Variants in SGCZ observed in about 807,000 individuals in gnomAD.
The protein encoded by SGCZ is sarcoglycan zeta.
In SGCZ, 40 loss-of-function variants were observed where a neutral mutation model predicts 41.3. That is an observed-to-expected ratio of 0.97 (90% CI 0.75 to 1.26). The LOEUF is 1.26. Among genes scored for constraint, SGCZ ranks in the 50% most tolerant of loss-of-function variants. The pLI is 0.00. For synonymous variants in SGCZ, 206 were observed against 137.5 expected, an observed-to-expected ratio of 1.50 and a Z score of -3.49; for missense variants, 552 against 369.8, an observed-to-expected ratio of 1.49 and a Z score of -4.04.
At chr8:14,362,515 A>C (rs1303126876) in intron 2 of SGCZ, among the ~76,000 whole-genome samples, 3 of 152,148 alleles carry the variant, frequency 2.0e-5, no homozygotes, top group Non-Finnish European at 4.4e-5. Flanking sequence ...CACAAGAGGG[A>C]ATCTCCTGGT....
In SGCZ at chr8:14,088,232, T is replaced by G. The variant is rs1274487964; in HGVS notation, c.*2211A>C. 6.6e-6 allele frequency among the ~76,000 whole-genome samples: 1 copy of G among 151,840 alleles called. No homozygotes were observed. The highest frequency in any genetic ancestry group is 1.5e-5 in the Non-Finnish European group (1 of 67,822). On this transcript the variant is annotated 3_prime_UTR_variant, in exon 8 of 8. Coordinates refer to ENST00000382080, the MANE Select transcript of SGCZ (RefSeq NM_139167.4). ...AAGAGACTATTTTATTCAATACTTT[T>G]GCTGTGAAGTTGAGTAAACTGAAGC...
At chr8:14,259,603 C>T (rs976908066) in intron 3 of SGCZ, among the ~76,000 whole-genome samples, 2 of 130,484 alleles carry the variant, frequency 1.5e-5, no homozygotes, top group African/African-American at 5.2e-5. Context: ...TCAGGTTTGT[C>T]AAAGATCAGA....
intron 1 of SGCZ, among the ~76,000 whole-genome samples, chr8:14,856,983 C>A (rs1014391810): frequency 2.9e-4 from 44 of 152,074 alleles, no homozygotes; most frequent in African/African-American, 9.9e-4. Flanking sequence ...GGAATGGTAA[C>A]CCCCAGTGTT....
At chr8:14,221,079 C>A (rs1029890590) in intron 4 of SGCZ, among the ~76,000 whole-genome samples, 2 of 151,998 alleles carry the variant, frequency 1.3e-5, no homozygotes, top group African/African-American at 2.4e-5. Flanking sequence ...AGGCTAGGAG[C>A]CTTGACGGAA....
chr8:14,304,047 C>G (rs551393816), intron 3 of SGCZ, among the ~76,000 whole-genome samples: 2 of 151,962 alleles, frequency 1.3e-5, no homozygotes, highest in East Asian at 3.9e-4. Context: ...CCACTGCACC[C>G]GGCCAGTTTG....
At chr8:14,485,008 T>G (rs985006438) in intron 2 of SGCZ, among the ~76,000 whole-genome samples, 1 of 152,190 alleles carries the variant, frequency 6.6e-6, no homozygotes, top group Non-Finnish European at 1.5e-5. Context: ...CTGTAAGTAT[T>G]TTGTTTCTCT....
chr8:14,564,685 G>C (rs976796691), intron 1 of SGCZ, among the ~76,000 whole-genome samples: 1 of 152,120 alleles, frequency 6.6e-6, no homozygotes, highest in Admixed American at 6.5e-5. Context: ...TAAAGACATG[G>C]TTGAAATAGA....
intron 1 of SGCZ, among the ~76,000 whole-genome samples, chr8:14,836,550 T>C (rs898229356): frequency 6.6e-6 from 1 of 152,144 alleles, no homozygotes; most frequent in Non-Finnish European, 1.5e-5. Flanking sequence ...CCAAGCTGGA[T>C]TGCAGTGGCA....
chr8:14,242,496 G>A (rs1195290960), intron 3 of SGCZ, among the ~76,000 whole-genome samples: 2 of 152,122 alleles, frequency 1.3e-5, no homozygotes, highest in Non-Finnish European at 2.9e-5. Flanking sequence ...CTGCATCATA[G>A]TCTCTTCATC....
intron 1 of SGCZ, among the ~76,000 whole-genome samples, chr8:14,556,657 T>G (rs1804043885): frequency 6.6e-6 from 1 of 152,080 alleles, no homozygotes; most frequent in Non-Finnish European, 1.5e-5. Context: ...CCTCACAGCT[T>G]AGCTCCCACT....
intron 1 of SGCZ, among the ~76,000 whole-genome samples, chr8:15,006,609 T>A (rs1365562369): frequency 6.6e-6 from 1 of 152,124 alleles, no homozygotes; most frequent in African/African-American, 2.4e-5. Context: ...ATGTTAAGAG[T>A]TAATAAATTT....
At chr8:14,969,807 G>C (rs137926296) in intron 1 of SGCZ, among the ~76,000 whole-genome samples, 1 of 151,910 alleles carries the variant, frequency 6.6e-6, no homozygotes, top group Non-Finnish European at 1.5e-5. Context: ...ATAAGTTGGC[G>C]CTACTGCAAA....
At position 14,586,999 on chromosome 8, in the gene SGCZ, A is replaced by G. The variant is rs1018170589; in HGVS notation, c.40-32073T>C. On this transcript the variant is annotated intron_variant, in intron 1 of 7. Transcript: ENST00000382080. ...TACTCTTTGGAAAGTCATATTATTT[A>G]CAGAATATCCTTATGTGTTTCTTAC... Among the ~76,000 whole-genome samples, 6 of 151,940 alleles carry G rather than the reference A, an allele frequency of 3.9e-5. No individual in the cohort carries two copies. The South Asian group carries it at 1.2e-3, about 32-fold the overall frequency.
intron 5 of SGCZ, among the ~76,000 whole-genome samples, chr8:14,135,883 G>A (rs1803181872): frequency 6.6e-6 from 1 of 151,714 alleles, no homozygotes; most frequent in South Asian, 2.1e-4. Flanking sequence ...ATAGACCCTG[G>A]AGAATTCTAC....
intron 1 of SGCZ, among the ~76,000 whole-genome samples, chr8:14,686,570 C>T (rs6987164): frequency 0.8 from 121,668 of 151,860 alleles, 49,343 homozygotes; most frequent in African/African-American, 0.92. Context: ...AGATGGGAAA[C>T]AGGAAGACGG....
chr8:14,781,733 C>T (rs1345631841), intron 1 of SGCZ, among the ~76,000 whole-genome samples: 1 of 152,032 alleles, frequency 6.6e-6, no homozygotes, highest in Non-Finnish European at 1.5e-5. Context: ...TAAAAATTTG[C>T]TTAATAGACC....
intron 1 of SGCZ, among the ~76,000 whole-genome samples, chr8:14,949,622 T>C (rs899101115): frequency 6.6e-6 from 1 of 152,108 alleles, no homozygotes; most frequent in African/African-American, 2.4e-5. Context: ...CATGGAGACA[T>C]TTCTATTTTG....
chr8:15,115,698 G>A (rs961878281), intron 1 of SGCZ, among the ~76,000 whole-genome samples: 19 of 152,168 alleles, frequency 1.2e-4, no homozygotes, highest in African/African-American at 4.6e-4. Context: ...GGATTCAGAT[G>A]TTCCATTGTG....
chr8:14,476,219 C>T (rs917500140), intron 2 of SGCZ, among the ~76,000 whole-genome samples: 37 of 152,148 alleles, frequency 2.4e-4, no homozygotes, highest in African/African-American at 8.9e-4. Flanking sequence ...AGTCAAGAAT[C>T]AGGAGTAAAA....
Sources: allele counts gnomAD v4.1 joint callset (sites outside exome capture counted in the v4.1 genomes callset), GRCh38; gene constraint gnomAD v4.1.1; transcripts MANE v1.5; gene names NCBI Gene and HGNC (gene_info 2026-07-23, HGNC 2026-07-21).